Variants in AFF2 observed in about 807,000 individuals in gnomAD.
AFF2 encodes AF4/FMR2 family member 2.
Under a neutral mutation model 76.9 loss-of-function variants are expected in AFF2, and 14 were observed. That is an observed-to-expected ratio of 0.18 (90% CI 0.12 to 0.28). AFF2 has a LOEUF of 0.28. AFF2 is among the 10% of genes least tolerant of loss of function. The pLI, the probability that AFF2 is intolerant of heterozygous loss-of-function variation, is 1.00. For missense variants in AFF2, 868 were observed against 1,001.1 expected (o/e 0.87, Z 1.79); for synonymous variants, 398 against 366.7 (o/e 1.09, Z -0.98).
At chrX:148,822,295 C>G (rs1335291219) in intron 4 of AFF2, 2 of 111,100 alleles carry the variant, frequency 1.8e-5, no homozygotes, top group African/African-American at 6.6e-5. Flanking sequence ...GGAAGCACAG[C>G]TGCTCCTATA....
At chrX:148,725,553 A>G (rs1424547233) in intron 3 of AFF2, among the ~76,000 whole-genome samples, 1 of 111,732 alleles carries the variant, frequency 8.9e-6, no homozygotes, top group Non-Finnish European at 1.9e-5. Context: ...GCTTACTAAG[A>G]TATGGCTGGT....
intron 7 of AFF2, among the ~76,000 whole-genome samples, chrX:148,847,543 T>A (rs1016515893): frequency 8.9e-5 from 10 of 112,053 alleles, no homozygotes; most frequent in African/African-American, 2.6e-4. Flanking sequence ...TGGTTTTTTT[T>A]AATAAAACCA....
At chrX:148,931,407 A>T (rs1395872490) in intron 9 of AFF2, among the ~76,000 whole-genome samples, 2 of 111,595 alleles carry the variant, frequency 1.8e-5, no homozygotes, top group Non-Finnish European at 3.8e-5. Flanking sequence ...TTAAAATGTG[A>T]TGGTTATTAT....
chrX:148,701,221 T>A lies in AFF2; in HGVS notation c.1041+38453T>A, dbSNP rs181891416. 7.2e-5 allele frequency among the ~76,000 whole-genome samples: 8 copies of A among 111,636 alleles called. No homozygotes were observed. In the East Asian group the frequency reaches 2.2e-3, roughly 31 times the overall value. On this transcript the variant is annotated intron_variant, in intron 3 of 20. Transcript: ENST00000370460. ...AAAAGTGGTTTTTCGCAGACAAAATTGTGTTCTAAGGGATGTGCTAGTAAG... is the reference window on the plus strand; with the variant it reads ...AAAAGTGGTTTTTCGCAGACAAAATAGTGTTCTAAGGGATGTGCTAGTAAG...
intron 3 of AFF2, among the ~76,000 whole-genome samples, chrX:148,798,994 G>T (rs932313302): frequency 8.9e-6 from 1 of 111,738 alleles, no homozygotes; most frequent in African/African-American, 3.3e-5. Context: ...ATAAATGGTG[G>T]ACAGACAGGA....
At chrX:148,703,375 T>C (rs1557262040) in intron 3 of AFF2, among the ~76,000 whole-genome samples, 1 of 112,382 alleles carries the variant, frequency 8.9e-6, no homozygotes, top group African/African-American at 3.2e-5. Context: ...CTCCCATTCA[T>C]GAACTGGTAA....
At chrX:148,868,340 G>A (rs187489681) in intron 7 of AFF2, among the ~76,000 whole-genome samples, 2 of 112,264 alleles carry the variant, frequency 1.8e-5, no homozygotes, top group East Asian at 5.6e-4. Context: ...TTCAGAGACT[G>A]TGACTTCTGT....
intron 4 of AFF2, among the ~76,000 whole-genome samples, chrX:148,825,335 A>T (rs983128853): frequency 8.9e-6 from 1 of 111,843 alleles, no homozygotes; most frequent in African/African-American, 3.3e-5. Flanking sequence ...TCTCTGTATT[A>T]TTGAGTGGAT....
At chrX:148,773,694 G>GAA (rs1166751448) in intron 3 of AFF2, among the ~76,000 whole-genome samples, 2 of 73,020 alleles carry the variant, frequency 2.7e-5, no homozygotes, top group East Asian at 3.6e-4. Flanking sequence ...AGGAAAGAAA[G>GAA]AAAGAAAGAA....
At chrX:148,690,090 T>C (rs782286863) in intron 3 of AFF2, among the ~76,000 whole-genome samples, 1 of 112,089 alleles carries the variant, frequency 8.9e-6, no homozygotes, top group East Asian at 2.8e-4. Flanking sequence ...GGAAGGCCTG[T>C]TTGAACTGAT....
At chrX:148,814,210 G>GCT (rs1359070765) in intron 4 of AFF2, among the ~76,000 whole-genome samples, 1 of 111,753 alleles carries the variant, frequency 8.9e-6, no homozygotes, top group Non-Finnish European at 1.9e-5. Flanking sequence ...ACCAGCAGCA[G>GCT]CTTCTTTTCT....
chrX:148,799,036 T>C (rs2070023075), intron 3 of AFF2, among the ~76,000 whole-genome samples: 1 of 111,987 alleles, frequency 8.9e-6, no homozygotes, highest in Non-Finnish European at 1.9e-5. Flanking sequence ...TAACAGAAGA[T>C]ACTAAGTAAG....
intron 3 of AFF2, among the ~76,000 whole-genome samples, chrX:148,744,783 T>C (rs1416492641): frequency 8.9e-6 from 1 of 111,783 alleles, no homozygotes; most frequent in Non-Finnish European, 1.9e-5. Flanking sequence ...TTTTTTGTTC[T>C]GTTTCATGTT....
intron 3 of AFF2, among the ~76,000 whole-genome samples, chrX:148,703,433 C>G (rs2054827195): frequency 8.9e-6 from 1 of 111,972 alleles, no homozygotes; most frequent in Non-Finnish European, 1.9e-5. Context: ...CTGTTTCCCA[C>G]GTTTCAGGTG....
chrX:148,569,903 C>T (rs1309713380), intron 1 of AFF2, among the ~76,000 whole-genome samples: 2 of 111,691 alleles, frequency 1.8e-5, no homozygotes, highest in Admixed American at 1.9e-4. Context: ...TGATATCAGA[C>T]CACATGTAAT....
intron 3 of AFF2, among the ~76,000 whole-genome samples, chrX:148,768,420 T>G (rs2069545859): frequency 9.0e-6 from 1 of 110,850 alleles, no homozygotes. Context: ...AGTTCACACC[T>G]CCTTGACGTC....
intron 3 of AFF2, among the ~76,000 whole-genome samples, chrX:148,690,165 G>T (rs1233115096): frequency 8.9e-6 from 1 of 112,056 alleles, no homozygotes; most frequent in African/African-American, 3.2e-5. Context: ...TAGAATCATA[G>T]ATCTTACAGA....
intron 3 of AFF2, among the ~76,000 whole-genome samples, chrX:148,708,972 C>T (rs868917279): frequency 1.1e-4 from 12 of 111,344 alleles, no homozygotes; most frequent in African/African-American, 1.3e-4. Context: ...GCATTTTTTT[C>T]GTTACCATTG....
Position 148,652,043 on chromosome X carries a change from A to G in AFF2, c.92A>G (p.Glu31Gly). 8.3e-7 allele frequency: 1 copy of G among 1,204,683 alleles called. No homozygotes were observed. The highest frequency in any genetic ancestry group is 1.1e-6 in the Non-Finnish European group (1 of 889,517). Residue 31 changes from glutamate to glycine, a missense_variant, in exon 2 of 21, where the codon GAG becomes GGG. This residue lies in a region of AFF2 where 196 missense variants were observed against 194.8 expected (regional missense o/e 1.01). Transcript: ENST00000370460. ...AGTGCACTTAAAAAAAGGGAATGGG[A>G]GCGGAGGAATCAAGAAGTCCAGCAA... Reference protein sequence around the residue: ...DRSALKKREWERRNQEVQQED... With the variant: ...DRSALKKREWGRRNQEVQQED...
Sources: gnomAD v4.1 joint callset for allele counts (sites outside exome capture counted in the v4.1 genomes callset) on GRCh38, gnomAD v4.1.1 for gene constraint, gnomAD v4.1.1 regional missense constraint, MANE v1.5 for transcripts, NCBI Gene and HGNC (gene_info 2026-07-23, HGNC 2026-07-21) for gene names.